The following CDK8 variants were observed in gnomAD, a reference collection of about 807,000 sequenced individuals.
CDK8 encodes the protein cyclin dependent kinase 8.
Under a neutral mutation model 71.5 loss-of-function variants are expected in CDK8, and 29 were observed. The observed-to-expected ratio is 0.41, with a 90% confidence interval of 0.30 to 0.55. CDK8 has a LOEUF of 0.55. Ranked by LOEUF, CDK8 falls within the 20% of genes least tolerant of loss-of-function variation. The pLI is 0.37. For synonymous variants in CDK8, 161 were observed against 192.1 expected, an observed-to-expected ratio of 0.84 and a Z score of 1.34; for missense variants, 288 against 572.6, an observed-to-expected ratio of 0.50 and a Z score of 5.07.
chr13:26,274,682 C>T (rs1201467785), intron 1 of CDK8, among the ~76,000 whole-genome samples: 1 of 152,140 alleles, frequency 6.6e-6, no homozygotes, highest in African/African-American at 2.4e-5. Context: ...CCGCCCGGCT[C>T]ATCCTCCCAA....
chr13:26,374,644 G>C (rs1255359189), intron 4 of CDK8, among the ~76,000 whole-genome samples: 1 of 151,954 alleles, frequency 6.6e-6, no homozygotes, highest in Non-Finnish European at 1.5e-5. Flanking sequence ...GAATATATTA[G>C]CTTAATAAAA....
At chr13:26,284,904 A>C (rs1273352918) in intron 1 of CDK8, among the ~76,000 whole-genome samples, 1 of 151,330 alleles carries the variant, frequency 6.6e-6, no homozygotes, top group African/African-American at 2.4e-5. Context: ...AGAAAACCAC[A>C]TACCAATATC....
intron 2 of CDK8, among the ~76,000 whole-genome samples, chr13:26,348,460 G>T (rs1055341320): frequency 1.3e-5 from 2 of 152,178 alleles, no homozygotes; most frequent in Admixed American, 6.5e-5. Context: ...AACTGCGCAT[G>T]TGAAGGATCT....
intron 1 of CDK8, among the ~76,000 whole-genome samples, chr13:26,298,557 C>T (rs1186424465): frequency 6.6e-6 from 1 of 152,044 alleles, no homozygotes; most frequent in African/African-American, 2.4e-5. Context: ...ACACAAAATT[C>T]AGTTTTTTCC....
chr13:26,278,238 C>T (rs1872624594), intron 1 of CDK8, among the ~76,000 whole-genome samples: 1 of 152,002 alleles, frequency 6.6e-6, no homozygotes, highest in South Asian at 2.1e-4. Context: ...CCTGAATGGG[C>T]AATAAATCCA....
chr13:26,290,621 G>A (rs1001510094), intron 1 of CDK8, among the ~76,000 whole-genome samples: 4 of 152,054 alleles, frequency 2.6e-5, no homozygotes, highest in African/African-American at 9.7e-5. Context: ...ATTTCTTGAA[G>A]GTTACTTTAA....
chr13:26,377,818 A>C (rs752595974), intron 4 of CDK8, among the ~76,000 whole-genome samples: 23 of 152,346 alleles, frequency 1.5e-4, no homozygotes, highest in Admixed American at 3.3e-4. Flanking sequence ...CCTGCTTTTG[A>C]ATCTCATAGG....
At chr13:26,295,336 G>A (rs936127682) in intron 1 of CDK8, among the ~76,000 whole-genome samples, 2 of 152,062 alleles carry the variant, frequency 1.3e-5, no homozygotes, top group African/African-American at 4.8e-5. Flanking sequence ...TATTAATAAA[G>A]GAAAGCCTGG....
intron 3 of CDK8, 132 bp from the exon 4 acceptor site, chr13:26,353,608 C>A: frequency 1.4e-6 from 1 of 710,438 alleles, no homozygotes; most frequent in Non-Finnish European, 2.3e-6. Flanking sequence ...TGTTATTCAG[C>A]AGAGTACGAA....
At chr13:26,292,003 T>A (rs906745875) in intron 1 of CDK8, among the ~76,000 whole-genome samples, 1 of 152,234 alleles carries the variant, frequency 6.6e-6, no homozygotes, top group Non-Finnish European at 1.5e-5. Flanking sequence ...CTATTCAATT[T>A]TATATTAATT....
chr13:26,357,619 C>G, intron 4 of CDK8, among the ~76,000 whole-genome samples: 1 of 152,148 alleles, frequency 6.6e-6, no homozygotes, highest in East Asian at 1.9e-4. Flanking sequence ...GCTTAGGGTT[C>G]TCCAGAGATG....
At chr13:26,311,826 A>G (rs1874296646) in intron 1 of CDK8, among the ~76,000 whole-genome samples, 1 of 152,214 alleles carries the variant, frequency 6.6e-6, no homozygotes, top group Non-Finnish European at 1.5e-5. Flanking sequence ...CAGGCAAAAG[A>G]AGTAAGATTA....
intron 1 of CDK8, among the ~76,000 whole-genome samples, chr13:26,303,472 TG>T (rs1173056258): frequency 6.6e-6 from 1 of 152,190 alleles, no homozygotes; most frequent in Non-Finnish European, 1.5e-5. Context: ...GGCTAATTTT[TG>T]TATTTTTTGG....
chr13:26,298,592 A>G (rs998095693), intron 1 of CDK8, among the ~76,000 whole-genome samples: 6 of 152,168 alleles, frequency 3.9e-5, no homozygotes, highest in African/African-American at 1.2e-4. Context: ...TAGATTTCCA[A>G]CAAGGAAAGG....
intron 3 of CDK8, among the ~76,000 whole-genome samples, chr13:26,350,279 G>C (rs115483057): frequency 3.3e-5 from 5 of 152,124 alleles, no homozygotes; most frequent in African/African-American, 9.7e-5. Flanking sequence ...AATAAGATTC[G>C]TGTGAAAATA....
chr13:26,359,194 A>G (rs550097874), intron 4 of CDK8, among the ~76,000 whole-genome samples: 1 of 152,300 alleles, frequency 6.6e-6, no homozygotes, highest in African/African-American at 2.4e-5. Flanking sequence ...GAGACAAAGT[A>G]GAATGGTGGT....
chr13:26,330,270 A>G (rs1228078471), intron 1 of CDK8, among the ~76,000 whole-genome samples: 5 of 152,094 alleles, frequency 3.3e-5, no homozygotes, highest in East Asian at 1.9e-4. Flanking sequence ...CAGTGGCACA[A>G]TCTCAGCTTG....
At chr13:26,391,782 T>A (rs760632296) in intron 6 of CDK8, among the ~76,000 whole-genome samples, 1 of 152,246 alleles carries the variant, frequency 6.6e-6, no homozygotes, top group Non-Finnish European at 1.5e-5. Context: ...GATATGTAAA[T>A]ACGATGTCAT....
intron 1 of CDK8, among the ~76,000 whole-genome samples, chr13:26,306,543 G>A (rs1874048712): frequency 6.6e-6 from 1 of 151,042 alleles, no homozygotes; most frequent in Admixed American, 6.6e-5. Flanking sequence ...AAAAGGCAAT[G>A]AAAAGAGAAT....
Sources: gnomAD v4.1 joint callset for allele counts (sites outside exome capture counted in the v4.1 genomes callset) on GRCh38, gnomAD v4.1.1 for gene constraint, MANE v1.5 for transcripts, NCBI Gene and HGNC (gene_info 2026-07-23, HGNC 2026-07-21) for gene names.